MAP3K5: variants seen among roughly 807,000 people sequenced by gnomAD.
The protein encoded by MAP3K5 is ASK-1.
In MAP3K5, 56 loss-of-function variants were observed where a neutral mutation model predicts 158.7. The ratio of observed to expected loss-of-function variants is 0.35; its 90% CI spans 0.28 to 0.44. The LOEUF is 0.44. Among genes scored for constraint, MAP3K5 ranks in the 20% least tolerant of loss-of-function variants. The probability of loss-of-function intolerance (pLI) is 1.00; values close to 1 mark genes in which losing one functional copy is unlikely to be tolerated. For missense variants in MAP3K5, 1,294 were observed against 1,674.8 expected, an observed-to-expected ratio of 0.77 and a Z score of 3.97; for synonymous variants, 579 against 601.7, an observed-to-expected ratio of 0.96 and a Z score of 0.55.
intron 1 of MAP3K5, among the ~76,000 whole-genome samples, chr6:136,773,912 C>G (rs945888335): frequency 6.6e-6 from 1 of 152,132 alleles, no homozygotes; most frequent in African/African-American, 2.4e-5. Flanking sequence ...GCCTCAGCCT[C>G]CCAAAGTGCT....
At chr6:136,601,728 C>T in intron 20 of MAP3K5, 74 bp downstream of exon 20, 1 of 1,408,084 alleles carries the variant, frequency 7.1e-7, no homozygotes, top group Non-Finnish European at 9.8e-7. Context: ...TAGTTTACTT[C>T]CGGAAAATTC....
At chr6:136,619,392 TTAGGCAG>T (rs1776705438) in intron 15 of MAP3K5, among the ~76,000 whole-genome samples, 1 of 152,164 alleles carries the variant, frequency 6.6e-6, no homozygotes, top group South Asian at 2.1e-4. Flanking sequence ...CTGAAGGGTT[TTAGGCAG>T]TAGTGACGTG....
chr6:136,724,963 C>A (rs1319644714), intron 1 of MAP3K5, among the ~76,000 whole-genome samples: 1 of 152,172 alleles, frequency 6.6e-6, no homozygotes, highest in Non-Finnish European at 1.5e-5. Context: ...CAGTCCCTGG[C>A]AACCACTGAT....
intron 2 of MAP3K5, among the ~76,000 whole-genome samples, chr6:136,710,020 T>C (rs1781241260): frequency 6.6e-6 from 1 of 152,230 alleles, no homozygotes; most frequent in South Asian, 2.1e-4. Context: ...CTACAAATCC[T>C]GTTCTCCTGA....
chr6:136,671,425 G>A (rs1436895789), intron 7 of MAP3K5, among the ~76,000 whole-genome samples: 1 of 152,126 alleles, frequency 6.6e-6, no homozygotes, highest in Non-Finnish European at 1.5e-5. Context: ...ATTGAGTACT[G>A]TATTGAGGAA....
Position 136,720,505 on chromosome 6 carries a change from G to T in MAP3K5, c.533C>A (p.Ala178Asp). The change falls in exon 2 of 30, where the codon GCC becomes GAC. Residue 178 changes from alanine (A) to aspartate (D), a missense_variant. Ala to Asp is a moderately radical substitution (Grantham distance 126). Coordinates refer to ENST00000359015, the MANE Select transcript of MAP3K5 (RefSeq NM_005923.4). ...HLGVRESFSM[A>D]NNIILYCDTN... ...ATCACAGTAGAGGATGATGTTGTTG[G>T]CCATGCTGAAACTTTCTCTCACCCC... The T allele has an allele frequency of 6.2e-7, 1 of 1,613,440 alleles. No homozygotes were observed. The highest frequency in any genetic ancestry group is 1.3e-5 in the African/African-American group (1 of 74,990).
Position 136,609,904 on chromosome 6 carries a change from G to A in MAP3K5, c.2521+1378C>T, listed in dbSNP as rs748964771. On this transcript the variant is annotated intron_variant, in intron 18 of 29. Coordinates refer to ENST00000359015, the MANE Select transcript of MAP3K5 (RefSeq NM_005923.4). This position sits in a 1 kb window ranked among gnomAD's most constrained non-coding sequence, Gnocchi z 4.4. ...AACCCAGGAGTTCAAGACCAGCCTG[G>A]GCAACATAGCAAGACCCAGTCTCAA... is the stretch of plus-strand genomic sequence containing the variant. Among the ~76,000 whole-genome samples the A allele has an allele frequency of 8.0e-5, 12 of 149,794 alleles. No individual in the cohort carries two copies. The highest frequency in any genetic ancestry group is 1.0e-4 in the Non-Finnish European group (7 of 67,576).
chr6:136,635,443 A>T (rs1197132343), intron 14 of MAP3K5, among the ~76,000 whole-genome samples: 1 of 152,210 alleles, frequency 6.6e-6, no homozygotes, highest in African/African-American at 2.4e-5. Flanking sequence ...ACTTCTATAG[A>T]CAGCAAGCTA....
intron 1 of MAP3K5, among the ~76,000 whole-genome samples, chr6:136,760,514 T>C (rs1783700792): frequency 6.6e-6 from 1 of 152,266 alleles, no homozygotes; most frequent in South Asian, 2.1e-4. Flanking sequence ...TATTTGTTAA[T>C]TTATTGATTC....
chr6:136,751,223 A>G (rs1363863953), intron 1 of MAP3K5, among the ~76,000 whole-genome samples: 1 of 149,668 alleles, frequency 6.7e-6, no homozygotes, highest in Non-Finnish European at 1.5e-5. Flanking sequence ...ATTATCCTGA[A>G]CCTTCCCACA....
chr6:136,681,390 C>T (rs536593790), intron 7 of MAP3K5, among the ~76,000 whole-genome samples: 1 of 152,224 alleles, frequency 6.6e-6, no homozygotes, highest in African/African-American at 2.4e-5. Context: ...TCCCAGAAAT[C>T]TGGAAGGCTG....
At chr6:136,729,638 T>C (rs936215006) in intron 1 of MAP3K5, among the ~76,000 whole-genome samples, 1 of 152,218 alleles carries the variant, frequency 6.6e-6, no homozygotes, top group South Asian at 2.1e-4. Flanking sequence ...AAAGCCAACA[T>C]AAAGAATTTT....
intron 1 of MAP3K5, among the ~76,000 whole-genome samples, chr6:136,764,871 A>AATTG (rs1783896915): frequency 6.6e-6 from 1 of 152,132 alleles, no homozygotes; most frequent in Non-Finnish European, 1.5e-5. Context: ...TCCTGGCCCT[A>AATTG]ATTGATGTGT....
intron 11 of MAP3K5, among the ~76,000 whole-genome samples, chr6:136,646,248 C>G (rs2114357365): frequency 6.6e-6 from 1 of 152,212 alleles, no homozygotes; most frequent in Admixed American, 6.5e-5. Flanking sequence ...AAAATTCCTC[C>G]TGATCAAAAG....
intron 1 of MAP3K5, among the ~76,000 whole-genome samples, chr6:136,734,248 G>C (rs1457608240): frequency 6.6e-6 from 1 of 151,720 alleles, no homozygotes; most frequent in South Asian, 2.1e-4. Context: ...GTGAAACCCT[G>C]TCTCTACTAA....
intron 1 of MAP3K5, among the ~76,000 whole-genome samples, chr6:136,726,459 G>A (rs1053195314): frequency 1.9e-4 from 29 of 152,248 alleles, no homozygotes; most frequent in African/African-American, 6.7e-4. Flanking sequence ...CAGGTACGGT[G>A]GCACATGCCT....
At chr6:136,748,114 G>A (rs1783041291) in intron 1 of MAP3K5, among the ~76,000 whole-genome samples, 1 of 152,178 alleles carries the variant, frequency 6.6e-6, no homozygotes, top group Non-Finnish European at 1.5e-5. Context: ...GTCATCTGTA[G>A]AGCTGTGAAT....
At chr6:136,638,393 T>TGG (rs1034365756) in intron 13 of MAP3K5, among the ~76,000 whole-genome samples, 1 of 152,218 alleles carries the variant, frequency 6.6e-6, no homozygotes, top group Admixed American at 6.5e-5. Context: ...CTCCTGTGCC[T>TGG]GGTTCAAACC....
intron 1 of MAP3K5, among the ~76,000 whole-genome samples, chr6:136,752,429 T>A (rs1783253868): frequency 6.6e-6 from 1 of 152,176 alleles, no homozygotes; most frequent in African/African-American, 2.4e-5. Context: ...TGTTTGTTTT[T>A]AAGATGGAGT....
Sources: gnomAD v4.1 joint callset for allele counts (sites outside exome capture counted in the v4.1 genomes callset) on GRCh38, gnomAD v4.1.1 for gene constraint, Gnocchi (gnomAD v3.1) non-coding constraint, MANE v1.5 for transcripts, NCBI Gene and HGNC (gene_info 2026-07-23, HGNC 2026-07-21) for gene names.